IGSF5: variants seen among roughly 807,000 people sequenced by gnomAD.
IGSF5 encodes the protein immunoglobulin superfamily member 5, also known as immunoglobulin superfamily 5 like.
A neutral mutation model predicts 39.4 loss-of-function variants in IGSF5; 41 were observed. That is an observed-to-expected ratio of 1.04 (90% CI 0.81 to 1.35). IGSF5 has a LOEUF of 1.35. IGSF5 is among the 40% of genes most tolerant of loss of function. The pLI is 0.00. For missense variants in IGSF5, 487 were observed against 494.6 expected (o/e 0.98, Z 0.15); for synonymous variants, 183 against 175.3 (o/e 1.04, Z -0.34).
In IGSF5 at chr21:39,793,538, C is replaced by T. The variant is rs145359408; in HGVS notation, c.1053C>T (p.Thr351=). ...AAAATTGTTCTTCTGTTGCAGACAC[C>T]GCTTCTCTCCCTCCCAAATCCTGTG... ...YNSDEQKTTD[T]ASLPPKSCES... is the part of the protein sequence containing the mutation. The change falls in exon 8 of 9, where the codon ACC becomes ACT. Residue 351 remains threonine, a synonymous_variant. Transcript: ENST00000380588. 16 of 1,613,530 alleles carry T rather than the reference C, an allele frequency of 9.9e-6. No homozygotes were observed. Among genetic ancestry groups the T allele is most frequent in the Middle Eastern group, 1.6e-4 (1 of 6,062 alleles).
At chr21:39,778,213 G>A (rs1483498967) in intron 4 of IGSF5, among the ~76,000 whole-genome samples, 4 of 152,154 alleles carry the variant, frequency 2.6e-5, no homozygotes, top group South Asian at 2.1e-4. Flanking sequence ...CGATAAAAAC[G>A]TTCTACATCT....
At chr21:39,781,541 C>T (rs777542541) in intron 5 of IGSF5, among the ~76,000 whole-genome samples, 49 of 152,264 alleles carry the variant, frequency 3.2e-4, no homozygotes, top group Non-Finnish European at 5.6e-4. Flanking sequence ...AGTTTTGTCA[C>T]GGATTGCCAA....
Position 39,801,407 on chromosome 21 carries a change from C to T in IGSF5, c.*50C>T, listed in dbSNP as rs371856811. 2.5e-5 allele frequency: 33 copies of T among 1,312,972 alleles called. No homozygotes were observed. Among genetic ancestry groups the T allele is most frequent in the East Asian group, 1.2e-4 (5 of 43,288 alleles). 81.3% of individuals were successfully genotyped at this position (1,312,972 alleles called of 1,614,324 possible). Reference sequence around the variant, plus strand: ...AGCACTTGGCTGACAATTCAAAACACGGCGATGGCATCCTTCCTTTCCATC... The same window carrying T: ...AGCACTTGGCTGACAATTCAAAACATGGCGATGGCATCCTTCCTTTCCATC... On this transcript the variant is annotated 3_prime_UTR_variant, in exon 9 of 9. Coordinates refer to ENST00000380588, the MANE Select transcript of IGSF5 (RefSeq NM_001080444.2).
intron 5 of IGSF5, among the ~76,000 whole-genome samples, chr21:39,782,385 C>T (rs538547023): frequency 6.6e-6 from 1 of 152,206 alleles, no homozygotes; most frequent in Admixed American, 6.5e-5. Flanking sequence ...CCATTTTAAC[C>T]ATTTTTGAGT....
intron 6 of IGSF5, among the ~76,000 whole-genome samples, chr21:39,791,374 T>C (rs2086964180): frequency 6.6e-6 from 1 of 152,214 alleles, no homozygotes; most frequent in Non-Finnish European, 1.5e-5. Context: ...ATTGTTTCCC[T>C]AGCATACATC....
At chr21:39,766,621 G>A (rs903746171) in intron 3 of IGSF5, among the ~76,000 whole-genome samples, 17 of 152,114 alleles carry the variant, frequency 1.1e-4, no homozygotes, top group African/African-American at 4.1e-4. Context: ...TATAATAATA[G>A]CTTATTTTTC....
chr21:39,726,593 G>A, the IGSF5 span, among the ~76,000 whole-genome samples: 3 of 152,206 alleles, frequency 2.0e-5, no homozygotes, highest in Admixed American at 2.0e-4. Context: ...TGATGTAGCT[G>A]CTGCCTCCAC....
chr21:39,730,818 G>A, the IGSF5 span: 3 of 152,146 alleles, frequency 2.0e-5, no homozygotes, highest in Admixed American at 6.5e-5. Context: ...TTTGAAAATC[G>A]AAGTTCACGT....
chr21:39,744,075 A>G (rs2079960066), upstream of IGSF5, among the ~76,000 whole-genome samples: 1 of 152,078 alleles, frequency 6.6e-6, no homozygotes, highest in Non-Finnish European at 1.5e-5. Flanking sequence ...ATTCCTTTCC[A>G]GGGTGCGTAA....
At chr21:39,747,956 C>T (rs1158848227) in intron 2 of IGSF5, among the ~76,000 whole-genome samples, 5 of 151,584 alleles carry the variant, frequency 3.3e-5, no homozygotes, top group South Asian at 4.2e-4. Context: ...AAAAAACAAC[C>T]GATTCCTGTT....
At chr21:39,766,316 G>A (rs1006853111) in intron 3 of IGSF5, among the ~76,000 whole-genome samples, 3 of 152,090 alleles carry the variant, frequency 2.0e-5, no homozygotes, top group Non-Finnish European at 4.4e-5. Flanking sequence ...CAGCCTTTCT[G>A]GAAACGTATC....
intron 2 of IGSF5, among the ~76,000 whole-genome samples, chr21:39,752,755 T>C (rs1039451448): frequency 2.6e-5 from 4 of 152,250 alleles, no homozygotes; most frequent in Non-Finnish European, 2.9e-5. Context: ...ATTAGTGATG[T>C]TGAGTATTTT....
At chr21:39,774,778 T>A (rs1426512836) in intron 4 of IGSF5, among the ~76,000 whole-genome samples, 1 of 152,214 alleles carries the variant, frequency 6.6e-6, no homozygotes, top group Non-Finnish European at 1.5e-5. Context: ...CCTTGTGGAA[T>A]GTAGTGATTC....
chr21:39,770,651 T>G (rs1027917990), intron 3 of IGSF5, among the ~76,000 whole-genome samples: 2 of 148,868 alleles, frequency 1.3e-5, no homozygotes, highest in South Asian at 4.3e-4. Flanking sequence ...GTTTCTGACT[T>G]TTATGAAGCA....
the IGSF5 span, among the ~76,000 whole-genome samples, chr21:39,727,201 C>T: frequency 1.3e-5 from 2 of 152,178 alleles, no homozygotes; most frequent in African/African-American, 4.8e-5. Context: ...ACTTATATTC[C>T]ACAGGACTAG....
chr21:39,766,692 G>A (rs897557205), intron 3 of IGSF5, among the ~76,000 whole-genome samples: 2 of 152,104 alleles, frequency 1.3e-5, no homozygotes, highest in Admixed American at 6.6e-5. Context: ...GTAAAAGGAT[G>A]CTTTACAAAG....
At chr21:39,768,812 T>G in intron 3 of IGSF5, among the ~76,000 whole-genome samples, 1 of 152,188 alleles carries the variant, frequency 6.6e-6, no homozygotes. Flanking sequence ...GAAGGAATAA[T>G]TGGGAAGCTA....
intron 4 of IGSF5, among the ~76,000 whole-genome samples, chr21:39,772,618 G>A (rs1300218336): frequency 6.6e-6 from 1 of 152,106 alleles, no homozygotes; most frequent in Non-Finnish European, 1.5e-5. Context: ...TTTACTTGGT[G>A]TTGTCCCATT....
intron 3 of IGSF5, among the ~76,000 whole-genome samples, chr21:39,767,059 C>G (rs973294716): frequency 6.6e-6 from 1 of 152,058 alleles, no homozygotes; most frequent in Non-Finnish European, 1.5e-5. Flanking sequence ...GGGCACAATT[C>G]TATTTTCTAA....
Sources: gnomAD v4.1 joint callset for allele counts (sites outside exome capture counted in the v4.1 genomes callset) on GRCh38, gnomAD v4.1.1 for gene constraint, MANE v1.5 for transcripts, NCBI Gene and HGNC (gene_info 2026-07-23, HGNC 2026-07-21) for gene names.